RUNX1: variants seen among roughly 807,000 people sequenced by gnomAD.
RUNX1 encodes runt-related transcription factor 1.
In RUNX1, 19 loss-of-function variants were observed where a neutral mutation model predicts 42.8. The ratio of observed to expected loss-of-function variants is 0.44; its 90% CI spans 0.31 to 0.65. RUNX1 has a LOEUF of 0.65. Among genes scored for constraint, RUNX1 ranks in the 30% least tolerant of loss-of-function variants. The probability of loss-of-function intolerance (pLI) is 0.07; values close to 1 mark genes in which losing one functional copy is unlikely to be tolerated. For missense variants in RUNX1, 528 were observed against 672.0 expected (o/e 0.79, Z 2.37); for synonymous variants, 271 against 289.4 (o/e 0.94, Z 0.64).
At chr21:35,041,998 G>A (rs774521238) in intron 2 of RUNX1, among the ~76,000 whole-genome samples, 1 of 152,132 alleles carries the variant, frequency 6.6e-6, no homozygotes, top group Non-Finnish European at 1.5e-5. Flanking sequence ...GAGGAAGATG[G>A]GGGGCGGGAA....
At chr21:35,044,700 C>T (rs2059383896) in intron 2 of RUNX1, among the ~76,000 whole-genome samples, 1 of 152,184 alleles carries the variant, frequency 6.6e-6, no homozygotes, top group Non-Finnish European at 1.5e-5. Context: ...GCCTTGGGCT[C>T]CTTATTAAAG....
chr21:34,830,152 C>A (rs2146046724), intron 7 of RUNX1, among the ~76,000 whole-genome samples: 1 of 152,274 alleles, frequency 6.6e-6, no homozygotes, highest in East Asian at 1.9e-4. Context: ...ATGGAACACT[C>A]AAAGTGAGGC....
intron 2 of RUNX1, among the ~76,000 whole-genome samples, chr21:34,950,366 C>T (rs1334464097): frequency 6.6e-6 from 1 of 152,054 alleles, no homozygotes; most frequent in African/African-American, 2.4e-5. Context: ...TTTTGTACTG[C>T]AGATCTAGAG....
chr21:34,921,418 C>T (rs545214739), intron 2 of RUNX1, among the ~76,000 whole-genome samples: 16 of 152,282 alleles, frequency 1.1e-4, no homozygotes, highest in African/African-American at 3.9e-4. Flanking sequence ...ACTTATTTCA[C>T]TCATTATAAT....
intron 7 of RUNX1, among the ~76,000 whole-genome samples, chr21:34,809,996 C>T (rs1310844035): frequency 1.3e-5 from 2 of 152,198 alleles, no homozygotes; most frequent in Non-Finnish European, 2.9e-5. Context: ...CCTGGGCTTC[C>T]TCTGGTGACT....
chr21:34,801,099 G>A (rs1271506443), intron 7 of RUNX1, among the ~76,000 whole-genome samples: 1 of 151,492 alleles, frequency 6.6e-6, no homozygotes, highest in Non-Finnish European at 1.5e-5. Flanking sequence ...CAAGTATTTT[G>A]CTCCAAGTGA....
In RUNX1 at chr21:34,884,573, C is replaced by T. The variant is rs56265320; in HGVS notation, c.351+2270G>A. On this transcript the variant is annotated intron_variant, in intron 4 of 8. Transcript: ENST00000675419. Reference sequence around the variant, plus strand: ...GTTGGGTGGGCAGATAGAGTGAAGCCAGGGACACACACTAAATGAGCCCGG... The same window carrying T: ...GTTGGGTGGGCAGATAGAGTGAAGCTAGGGACACACACTAAATGAGCCCGG... 2.0e-3 allele frequency among the ~76,000 whole-genome samples: 300 copies of T among 152,294 alleles called. 1 individual carries two copies. Among genetic ancestry groups the T allele is most frequent in the Non-Finnish European group, 3.1e-3 (209 of 68,036 alleles).
intron 2 of RUNX1, among the ~76,000 whole-genome samples, chr21:34,992,981 C>T (rs2058957151): frequency 6.6e-6 from 1 of 152,244 alleles, no homozygotes; most frequent in Admixed American, 6.5e-5. Context: ...GGGTGGTTCT[C>T]TAGGCAGAGC....
At chr21:34,802,988 T>C (rs2056629235) in intron 7 of RUNX1, among the ~76,000 whole-genome samples, 1 of 152,162 alleles carries the variant, frequency 6.6e-6, no homozygotes, top group Non-Finnish European at 1.5e-5. Context: ...TATGATTGTA[T>C]TACTAAAAAG....
intron 2 of RUNX1, among the ~76,000 whole-genome samples, chr21:34,949,221 C>A (rs376871415): frequency 1.3e-5 from 2 of 152,144 alleles, no homozygotes; most frequent in African/African-American, 2.4e-5. Flanking sequence ...AAATGACACA[C>A]CAAAGTCCTT....
intron 2 of RUNX1, among the ~76,000 whole-genome samples, chr21:34,993,012 C>T (rs1318821723): frequency 6.6e-6 from 1 of 152,218 alleles, no homozygotes; most frequent in East Asian, 1.9e-4. Context: ...GTGGACGGTT[C>T]CCTGAAAGGA....
At chr21:35,031,733 T>G (rs1470569733) in intron 2 of RUNX1, among the ~76,000 whole-genome samples, 2 of 152,092 alleles carry the variant, frequency 1.3e-5, no homozygotes, top group African/African-American at 4.8e-5. Context: ...ATGGATGAAC[T>G]TGGAGTACAT....
chr21:34,930,537 T>C (rs1737352496), intron 2 of RUNX1, among the ~76,000 whole-genome samples: 1 of 151,886 alleles, frequency 6.6e-6, no homozygotes, highest in Non-Finnish European at 1.5e-5. Flanking sequence ...ATGTGCTCAA[T>C]GGGCACATGT....
intron 3 of RUNX1, among the ~76,000 whole-genome samples, chr21:34,892,688 T>C (rs2058093499): frequency 6.6e-6 from 1 of 152,204 alleles, no homozygotes; most frequent in Non-Finnish European, 1.5e-5. Context: ...AATGCACCTA[T>C]GGTAAACGCT....
intron 2 of RUNX1, among the ~76,000 whole-genome samples, chr21:35,040,102 T>G (rs552843200): frequency 1.3e-5 from 2 of 152,322 alleles, no homozygotes; most frequent in East Asian, 1.9e-4. Flanking sequence ...GGTTTCAGAT[T>G]TTATGAATTC....
chr21:35,039,921 G>A (rs528103873), intron 2 of RUNX1, among the ~76,000 whole-genome samples: 1 of 152,302 alleles, frequency 6.6e-6, no homozygotes, highest in South Asian at 2.1e-4. Flanking sequence ...AGAAGCCTGA[G>A]TTTCTGTTCC....
At chr21:34,958,484 T>C (rs1039082152) in intron 2 of RUNX1, among the ~76,000 whole-genome samples, 11 of 152,036 alleles carry the variant, frequency 7.2e-5, no homozygotes, top group Non-Finnish European at 1.5e-4. Context: ...GAAATGCAAA[T>C]CAAAACCACA....
intron 4 of RUNX1, 110 bp downstream of exon 4, chr21:34,886,733 G>A (rs1327680784): frequency 6.5e-7 from 1 of 1,550,350 alleles, no homozygotes; most frequent in African/African-American, 1.4e-5. Context: ...CGGGGCTGCG[G>A]GGGCCCCTTT....
At chr21:35,014,470 G>A (rs886327501) in intron 2 of RUNX1, among the ~76,000 whole-genome samples, 2 of 152,116 alleles carry the variant, frequency 1.3e-5, no homozygotes, top group Non-Finnish European at 2.9e-5. Context: ...ATTTCATAAC[G>A]CATGAGTCTC....
Sources: allele counts gnomAD v4.1 joint callset (sites outside exome capture counted in the v4.1 genomes callset), GRCh38; gene constraint gnomAD v4.1.1; transcripts MANE v1.5; gene names NCBI Gene and HGNC (gene_info 2026-07-23, HGNC 2026-07-21).